Variants in ERG observed in about 807,000 individuals in gnomAD.
ERG encodes the protein transcriptional regulator ERG.
In ERG, 9 loss-of-function variants were observed where a neutral mutation model predicts 55.3. The observed-to-expected ratio is 0.16, with a 90% CI of 0.10 to 0.28. The LOEUF (loss-of-function observed/expected upper bound fraction) is 0.28. Among genes scored for constraint, ERG ranks in the 10% least tolerant of loss-of-function variants. ERG has a pLI of 1.00. For synonymous variants in ERG, 223 were observed against 237.3 expected, an observed-to-expected ratio of 0.94 and a Z score of 0.55; for missense variants, 434 against 631.6, an observed-to-expected ratio of 0.69 and a Z score of 3.35.
chr21:38,368,803 T>C, the ERG span, among the ~76,000 whole-genome samples: 11 of 152,288 alleles, frequency 7.2e-5, no homozygotes, highest in South Asian at 8.3e-4. Context: ...GTGTGTGTTG[T>C]TCCCCTCTAT....
upstream of ERG, among the ~76,000 whole-genome samples, chr21:38,589,303 T>A (rs1203298097): frequency 6.6e-6 from 1 of 152,198 alleles, no homozygotes; most frequent in Non-Finnish European, 1.5e-5. Context: ...CAGCCGTCCA[T>A]CCCCACAGTT....
intron 2 of ERG, among the ~76,000 whole-genome samples, chr21:38,524,374 G>A (rs1389896257): frequency 6.6e-6 from 1 of 152,220 alleles, no homozygotes; most frequent in Non-Finnish European, 1.5e-5. Context: ...GAATCGTTAT[G>A]CAACCATGGC....
At chr21:38,404,571 C>T (rs888019995) in intron 3 of ERG, among the ~76,000 whole-genome samples, 2 of 152,166 alleles carry the variant, frequency 1.3e-5, no homozygotes, top group Non-Finnish European at 2.9e-5. Flanking sequence ...GTAAATGGGG[C>T]GGCTGCTCCC....
intron 2 of ERG, among the ~76,000 whole-genome samples, chr21:38,512,104 T>C (rs2059516800): frequency 6.6e-6 from 1 of 152,138 alleles, no homozygotes; most frequent in Admixed American, 6.5e-5. Flanking sequence ...CAACAGCTGG[T>C]ACATATACAA....
chr21:38,582,392 T>C (rs2060035923), intron 1 of ERG, among the ~76,000 whole-genome samples: 2 of 152,190 alleles, frequency 1.3e-5, no homozygotes, highest in South Asian at 4.1e-4. Context: ...GGACACCCAG[T>C]TGGTATCAGT....
chr21:38,649,269 C>T (rs968216615), intron 1 of ERG, among the ~76,000 whole-genome samples: 25 of 152,264 alleles, frequency 1.6e-4, no homozygotes, highest in African/African-American at 3.6e-4. Context: ...TCCCCTGTGG[C>T]GCTGCAGCTG....
At chr21:38,648,594 T>C (rs1288723890) in intron 1 of ERG, among the ~76,000 whole-genome samples, 2 of 152,224 alleles carry the variant, frequency 1.3e-5, no homozygotes, top group African/African-American at 4.8e-5. Flanking sequence ...TGCACCGTGC[T>C]CATCGCATCT....
In ERG at chr21:38,569,746, G is replaced by GT. The variant is rs200372189; in HGVS notation, c.-41+5915dup. On this transcript the variant is annotated intron_variant, in intron 2 of 8. Transcript: ENST00000398897. ...GGTAATTCCAATGCTGAGTTATGTG[G>GT]TTTTTTTTCCTTATTTTTCTTTTCA... is the stretch of plus-strand genomic sequence containing the variant. 3.8e-3 allele frequency among the ~76,000 whole-genome samples: 574 copies of GT among 151,900 alleles called. 5 individuals carry two copies. Among genetic ancestry groups the GT allele is most frequent in the African/African-American group, 0.013 (543 of 41,392 alleles).
chr21:38,400,717 A>G (rs1988448859), intron 5 of ERG, 72 bp from the exon 6 acceptor site: 1 of 1,195,312 alleles, frequency 8.4e-7, no homozygotes, highest in African/African-American at 1.5e-5. Flanking sequence ...TCAGCGCCAA[A>G]TCTACTTTTC....
chr21:38,529,299 G>A (rs2059654908), intron 2 of ERG, among the ~76,000 whole-genome samples: 1 of 152,282 alleles, frequency 6.6e-6, no homozygotes, highest in East Asian at 1.9e-4. Context: ...TGAGGGAGGG[G>A]TGACTTCAGT....
intron 2 of ERG, among the ~76,000 whole-genome samples, chr21:38,508,997 C>A (rs2059490887): frequency 6.6e-6 from 1 of 152,202 alleles, no homozygotes; most frequent in African/African-American, 2.4e-5. Flanking sequence ...TCAGTCCCAG[C>A]CCACAGCCAG....
intron 1 of ERG, among the ~76,000 whole-genome samples, chr21:38,479,948 C>T (rs1401066637): frequency 2.6e-5 from 4 of 152,170 alleles, no homozygotes; most frequent in African/African-American, 7.2e-5. Flanking sequence ...AAGCACTTTA[C>T]GGCTTCTCTT....
intron 1 of ERG, among the ~76,000 whole-genome samples, chr21:38,465,871 A>G (rs1244707303): frequency 1.3e-5 from 2 of 152,120 alleles, no homozygotes; most frequent in Non-Finnish European, 2.9e-5. Context: ...ATCCCCATCA[A>G]AACTAGAGAT....
chr21:38,450,187 C>A (rs756943652), intron 1 of ERG, among the ~76,000 whole-genome samples: 3 of 144,192 alleles, frequency 2.1e-5, no homozygotes, highest in Admixed American at 7.2e-5. Context: ...TTCAGGAGAT[C>A]GAGACCATAC....
chr21:38,410,947 T>G lies in ERG; in HGVS notation c.389-7238A>C, dbSNP rs547733161. Among the ~76,000 whole-genome samples the G allele has an allele frequency of 7.9e-5, 12 of 152,294 alleles. No individual in the cohort carries two copies. In the South Asian group the frequency reaches 1.9e-3, roughly 24 times the overall value. On this transcript the variant is annotated intron_variant, in intron 3 of 9. Coordinates refer to ENST00000288319, the MANE Select transcript of ERG (RefSeq NM_182918.4). ...AAACATCAAAAAATAAAAACTAAAA[T>G]GTACCTCTAAGCCATATCACAAGCC...
chr21:38,609,767 C>G (rs959852505), intron 1 of ERG, among the ~76,000 whole-genome samples: 4 of 152,228 alleles, frequency 2.6e-5, no homozygotes, highest in African/African-American at 4.8e-5. Flanking sequence ...GAAGAAAACA[C>G]ACCCATTTCT....
chr21:38,421,696 C>CTCAGTG (rs1360445307), intron 3 of ERG, among the ~76,000 whole-genome samples: 1 of 152,206 alleles, frequency 6.6e-6, no homozygotes, highest in Admixed American at 6.5e-5. Flanking sequence ...TACAGTGCAG[C>CTCAGTG]TCAGTGGTGA....
intron 2 of ERG, among the ~76,000 whole-genome samples, chr21:38,443,365 C>G (rs2058859618): frequency 6.6e-6 from 1 of 152,186 alleles, no homozygotes; most frequent in Admixed American, 6.5e-5. Flanking sequence ...CCCCTCCTCC[C>G]TGCAGGTGAA....
chr21:38,508,757 T>G (rs1001369118), intron 2 of ERG, among the ~76,000 whole-genome samples: 3 of 152,226 alleles, frequency 2.0e-5, no homozygotes, highest in South Asian at 4.1e-4. Flanking sequence ...TTCTATAAAG[T>G]GACATTGACT....
Sources: allele counts gnomAD v4.1 joint callset (sites outside exome capture counted in the v4.1 genomes callset), GRCh38; gene constraint gnomAD v4.1.1; transcripts MANE v1.5; gene names NCBI Gene and HGNC (gene_info 2026-07-23, HGNC 2026-07-21).